The following SRD5A2 variants were observed in gnomAD, a reference collection of about 807,000 sequenced individuals.
The protein encoded by SRD5A2 is steroid 5 alpha-reductase 2.
A neutral mutation model predicts 27.4 loss-of-function variants in SRD5A2; 30 were observed. The ratio of observed to expected loss-of-function variants is 1.10; its 90% confidence interval spans 0.82 to 1.49. SRD5A2 has a LOEUF of 1.49. SRD5A2 is among the 40% of genes most tolerant of loss of function. The pLI, the probability that SRD5A2 is intolerant of heterozygous loss-of-function variation, is 0.00. For missense variants in SRD5A2, 348 were observed against 323.4 expected (o/e 1.08, Z -0.58); for synonymous variants, 141 against 133.6 (o/e 1.06, Z -0.38).
At chr2:31,625,953 C>G in the SRD5A2 span, among the ~76,000 whole-genome samples, 10 of 152,088 alleles carry the variant, frequency 6.6e-5, no homozygotes, top group African/African-American at 1.2e-4. Context: ...ACCTTGGGCA[C>G]TATGGCCATT....
chr2:31,628,233 G>A, the SRD5A2 span, among the ~76,000 whole-genome samples: 3 of 151,850 alleles, frequency 2.0e-5, no homozygotes, highest in African/African-American at 7.3e-5. Context: ...TAATGCTCTT[G>A]TCTTTTTTTT....
chr2:31,612,740 A>C, the SRD5A2 span, among the ~76,000 whole-genome samples: 1 of 152,212 alleles, frequency 6.6e-6, no homozygotes, highest in Non-Finnish European at 1.5e-5. Flanking sequence ...CAATGCTGGA[A>C]GGATCACACT....
At chr2:31,550,728 G>A (rs1226419491) in intron 1 of SRD5A2, among the ~76,000 whole-genome samples, 1 of 151,818 alleles carries the variant, frequency 6.6e-6, no homozygotes, top group East Asian at 1.9e-4. Context: ...TAAGAGTAGA[G>A]GAAAACTTCC....
At chr2:31,614,541 A>T in the SRD5A2 span, among the ~76,000 whole-genome samples, 1 of 152,128 alleles carries the variant, frequency 6.6e-6, no homozygotes, top group Admixed American at 6.6e-5. Context: ...TGGATCTACC[A>T]TTCTGGGGTC....
At chr2:31,639,686 G>A in the SRD5A2 span, among the ~76,000 whole-genome samples, 3 of 151,702 alleles carry the variant, frequency 2.0e-5, no homozygotes, top group Admixed American at 2.0e-4. Context: ...CTCCTGGCCT[G>A]TATGTTTCTA....
At chr2:31,635,157 A>G in the SRD5A2 span, among the ~76,000 whole-genome samples, 1 of 152,184 alleles carries the variant, frequency 6.6e-6, no homozygotes, top group Non-Finnish European at 1.5e-5. Context: ...CCAACAATGT[A>G]TGAGGGTTCC....
upstream of SRD5A2, chr2:31,580,996 C>T (rs950859804): frequency 7.3e-7 from 1 of 1,370,234 alleles, no homozygotes; most frequent in African/African-American, 1.5e-5. Context: ...CCGTGTCCGC[C>T]CCCTCGGCCT....
At chr2:31,546,011 G>C (rs1666245367) in intron 1 of SRD5A2, among the ~76,000 whole-genome samples, 1 of 152,074 alleles carries the variant, frequency 6.6e-6, no homozygotes, top group African/African-American at 2.4e-5. Context: ...AGACGTGAAA[G>C]ACTTGTACAG....
At chr2:31,632,792 A>T in the SRD5A2 span, among the ~76,000 whole-genome samples, 1 of 152,130 alleles carries the variant, frequency 6.6e-6, no homozygotes, top group Non-Finnish European at 1.5e-5. Context: ...TCTGTTAGGG[A>T]GAGACATCCT....
intron 2 of SRD5A2, 107 bp from the exon 3 acceptor site, chr2:31,531,579 ATCTAAG>A: frequency 5.2e-5 from 39 of 743,348 alleles, no homozygotes; most frequent in Non-Finnish European, 7.8e-5. Context: ...TAATTTCTAA[ATCTAAG>A]AATGGTCCTA....
chr2:31,662,948 T>TA, the SRD5A2 span, among the ~76,000 whole-genome samples: 1 of 152,102 alleles, frequency 6.6e-6, no homozygotes, highest in African/African-American at 2.4e-5. Flanking sequence ...ATTAATGTCA[T>TA]AGGGAGGAAA....
chr2:31,618,877 T>C, the SRD5A2 span, among the ~76,000 whole-genome samples: 2,780 of 152,272 alleles, frequency 0.018, 45 homozygotes, highest in Non-Finnish European at 0.031. Flanking sequence ...CATGGATACA[T>C]TAATTACCTT....
At chr2:31,661,539 AT>A in the SRD5A2 span, among the ~76,000 whole-genome samples, 4 of 152,220 alleles carry the variant, frequency 2.6e-5, no homozygotes, top group Non-Finnish European at 5.9e-5. Flanking sequence ...CAAAAGGGAA[AT>A]TAGTCTCTTT....
chr2:31,566,680 C>T (rs1215355410), intron 1 of SRD5A2, among the ~76,000 whole-genome samples: 1 of 152,152 alleles, frequency 6.6e-6, no homozygotes, highest in Non-Finnish European at 1.5e-5. Context: ...CATAGCAGCT[C>T]AGTGGGGGAG....
intron 1 of SRD5A2, among the ~76,000 whole-genome samples, chr2:31,556,716 T>C (rs13007814): frequency 6.6e-6 from 1 of 152,238 alleles, no homozygotes; most frequent in Non-Finnish European, 1.5e-5. Flanking sequence ...TTCAGACTTC[T>C]GGCCTTCAGA....
At chr2:31,543,615 TAAC>T (rs1456254308) in intron 1 of SRD5A2, among the ~76,000 whole-genome samples, 1 of 152,158 alleles carries the variant, frequency 6.6e-6, no homozygotes, top group Non-Finnish European at 1.5e-5. Context: ...TTTGTGACAT[TAAC>T]AATCAAAGAG....
intron 1 of SRD5A2, among the ~76,000 whole-genome samples, chr2:31,562,289 A>C (rs1274139921): frequency 6.6e-6 from 1 of 152,116 alleles, no homozygotes; most frequent in Non-Finnish European, 1.5e-5. Context: ...TATGTGGTAC[A>C]TGAGATATTT....
At chr2:31,634,551 A>C in the SRD5A2 span, among the ~76,000 whole-genome samples, 1 of 152,228 alleles carries the variant, frequency 6.6e-6, no homozygotes, top group East Asian at 1.9e-4. Flanking sequence ...TACTCAGAAT[A>C]ATATTTATTT....
At chr2:31,547,198 T>C (rs890847964) in intron 1 of SRD5A2, among the ~76,000 whole-genome samples, 7 of 152,132 alleles carry the variant, frequency 4.6e-5, no homozygotes, top group Admixed American at 6.5e-5. Flanking sequence ...CCCTAATATA[T>C]ATGGTTAAAT....
Sources: gnomAD v4.1 joint callset for allele counts (sites outside exome capture counted in the v4.1 genomes callset) on GRCh38, gnomAD v4.1.1 for gene constraint, MANE v1.5 for transcripts, NCBI Gene and HGNC (gene_info 2026-07-23, HGNC 2026-07-21) for gene names.